The following PARN variants were observed in gnomAD, a reference collection of about 807,000 sequenced individuals.
The protein encoded by PARN is poly(A)-specific ribonuclease.
A neutral mutation model predicts 102.8 loss-of-function variants in PARN; 71 were observed. That is an observed-to-expected ratio of 0.69 (90% CI 0.57 to 0.84). The LOEUF (loss-of-function observed/expected upper bound fraction) is 0.84. Ranked by LOEUF, PARN falls within the 40% of genes least tolerant of loss-of-function variation. The pLI, the probability that PARN is intolerant of heterozygous loss-of-function variation, is 0.00. For synonymous variants in PARN, 261 were observed against 252.9 expected, an observed-to-expected ratio of 1.03 and a Z score of -0.30; for missense variants, 782 against 760.9, an observed-to-expected ratio of 1.03 and a Z score of -0.33.
chr16:14,481,230 A>G (rs1239059496), intron 22 of PARN, among the ~76,000 whole-genome samples: 2 of 152,238 alleles, frequency 1.3e-5, no homozygotes, highest in Non-Finnish European at 2.9e-5. Context: ...GAAACAATTC[A>G]AATGTCCAAC....
intron 23 of PARN, among the ~76,000 whole-genome samples, chr16:14,445,872 T>C (rs140125118): frequency 2.3e-4 from 35 of 152,282 alleles, no homozygotes; most frequent in African/African-American, 8.2e-4. Context: ...CCTCACCAGC[T>C]TTCTTGTAGG....
chr16:14,464,373 G>C (rs1195571397), intron 22 of PARN, among the ~76,000 whole-genome samples: 2 of 152,178 alleles, frequency 1.3e-5, no homozygotes, highest in Non-Finnish European at 2.9e-5. Flanking sequence ...TAATGCAAGT[G>C]AGAAGAAAGT....
chr16:14,603,849 AT>A (rs1475755498), intron 11 of PARN, among the ~76,000 whole-genome samples: 1 of 152,236 alleles, frequency 6.6e-6, no homozygotes, highest in African/African-American at 2.4e-5. Context: ...ACGTTGCAGT[AT>A]TAAAGGATAG....
chr16:14,572,374 G>A (rs1035836678), intron 18 of PARN, among the ~76,000 whole-genome samples: 2 of 151,918 alleles, frequency 1.3e-5, no homozygotes, highest in South Asian at 2.1e-4. Flanking sequence ...AAAATAAGTT[G>A]ACACTGGGAA....
At chr16:14,447,859 T>C (rs767470064) in intron 22 of PARN, among the ~76,000 whole-genome samples, 7 of 152,350 alleles carry the variant, frequency 4.6e-5, no homozygotes, top group Non-Finnish European at 1.0e-4. Flanking sequence ...GAGAGGCCAT[T>C]CAAGCACATG....
Position 14,541,253 on chromosome 16 carries a change from T to C in PARN, c.1480+10768A>G, listed in dbSNP as rs143914033. Reference sequence around the variant, plus strand: ...GAAGCTTAGGGGCAAACAGGGGCAATAGAGAGTGAGGAAGGAATTCTGGAA... The same window carrying C: ...GAAGCTTAGGGGCAAACAGGGGCAACAGAGAGTGAGGAAGGAATTCTGGAA... On this transcript the variant is annotated intron_variant, in intron 21 of 23. Transcript: ENST00000437198. Among the ~76,000 whole-genome samples, 415 of 148,822 alleles carry C rather than the reference T, an allele frequency of 2.8e-3. 2 individuals are homozygous for C. Among genetic ancestry groups the C allele is most frequent in the Middle Eastern group, 0.017 (5 of 286 alleles).
intron 10 of PARN, among the ~76,000 whole-genome samples, chr16:14,605,528 A>ATATGT (rs10677464): frequency 0.052 from 7,974 of 152,268 alleles, 247 homozygotes; most frequent in African/African-American, 0.083. Context: ...AAACTTACAT[A>ATATGT]TATATGTTGT....
At chr16:14,439,476 T>C (rs1173545858) in intron 23 of PARN, among the ~76,000 whole-genome samples, 2 of 152,090 alleles carry the variant, frequency 1.3e-5, no homozygotes, top group African/African-American at 4.8e-5. Context: ...CACCTGCCTT[T>C]TGCTACAGTG....
intron 18 of PARN, among the ~76,000 whole-genome samples, chr16:14,567,382 T>A (rs1223336806): frequency 6.6e-6 from 1 of 152,168 alleles, no homozygotes; most frequent in Non-Finnish European, 1.5e-5. Context: ...ATGGAGACTA[T>A]TTTTTAAAGA....
chr16:14,571,277 G>A (rs1240002577), intron 18 of PARN, among the ~76,000 whole-genome samples: 1 of 151,058 alleles, frequency 6.6e-6, no homozygotes, highest in African/African-American at 2.4e-5. Context: ...CCAGCTATCA[G>A]GAGGCGGAGG....
rs1567277854 is a variant in PARN at position 14,436,134 on chromosome 16, CG to C, written c.*582del. 1 of 153,492 alleles carries C rather than the reference CG, an allele frequency of 6.5e-6. No homozygotes were observed. Among genetic ancestry groups the C allele is most frequent in the Non-Finnish European group, 1.5e-5 (1 of 68,876 alleles). The allele number at this position is 153,492 out of a possible 1,614,324, so 9.5% of individuals were successfully genotyped here. ...AAATATGCCCAAAGGCCAGGGCATA[CG>C]GCAAGCCCTCTCATGGGTGGGCATG... On this transcript the variant is annotated 3_prime_UTR_variant, in exon 24 of 24. Coordinates refer to ENST00000437198, the MANE Select transcript of PARN (RefSeq NM_002582.4).
chr16:14,606,661 C>A, intron 9 of PARN, 135 bp from the exon 10 acceptor site: 1 of 472,078 alleles, frequency 2.1e-6, no homozygotes, highest in Non-Finnish European at 3.8e-6. Flanking sequence ...ACAATGGAGA[C>A]TTTACAGCAC....
At chr16:14,507,025 A>C (rs961666758) in intron 21 of PARN, among the ~76,000 whole-genome samples, 1 of 152,226 alleles carries the variant, frequency 6.6e-6, no homozygotes, top group Admixed American at 6.5e-5. Flanking sequence ...GGGTGATCTG[A>C]CAATCTATAA....
At chr16:14,488,687 T>C (rs564805246) in intron 21 of PARN, among the ~76,000 whole-genome samples, 3 of 152,262 alleles carry the variant, frequency 2.0e-5, no homozygotes, top group East Asian at 3.9e-4. Context: ...ACCTACTGCG[T>C]TGGCAAAAAT....
At chr16:14,486,201 A>AC (rs976668030) in intron 21 of PARN, among the ~76,000 whole-genome samples, 6 of 151,768 alleles carry the variant, frequency 4.0e-5, no homozygotes, top group African/African-American at 4.8e-5. Context: ...ACACACACAC[A>AC]AAAAAAACCA....
intron 22 of PARN, among the ~76,000 whole-genome samples, chr16:14,480,582 A>G (rs1413680837): frequency 6.6e-6 from 1 of 152,224 alleles, no homozygotes; most frequent in African/African-American, 2.4e-5. Flanking sequence ...ATCATTAGTC[A>G]TGAGAGAAAT....
chr16:14,530,509 T>C (rs922102171), intron 21 of PARN, among the ~76,000 whole-genome samples: 69 of 150,836 alleles, frequency 4.6e-4, no homozygotes, highest in African/African-American at 1.7e-3. Flanking sequence ...CACACATACA[T>C]CTGTACGTAC....
chr16:14,467,988 TAAG>T (rs1055936693), intron 22 of PARN, among the ~76,000 whole-genome samples: 1 of 152,224 alleles, frequency 6.6e-6, no homozygotes, highest in Non-Finnish European at 1.5e-5. Context: ...GCGGGAACAC[TAAG>T]AAGAATACGT....
At chr16:14,626,819 A>G (rs1439494183) in intron 5 of PARN, among the ~76,000 whole-genome samples, 1 of 151,590 alleles carries the variant, frequency 6.6e-6, no homozygotes, top group Non-Finnish European at 1.5e-5. Flanking sequence ...GGGTTTCACC[A>G]TGTTAGCCAG....
Sources: allele counts gnomAD v4.1 joint callset (sites outside exome capture counted in the v4.1 genomes callset), GRCh38; gene constraint gnomAD v4.1.1; transcripts MANE v1.5; gene names NCBI Gene and HGNC (gene_info 2026-07-23, HGNC 2026-07-21).